Variants in IRGM observed in about 807,000 individuals in gnomAD.
IRGM encodes the protein immunity-related GTPase family M protein.
For missense variants in IRGM, 288 were observed against 219.9 expected, an observed-to-expected ratio of 1.31 and a Z score of -1.96; for synonymous variants, 98 against 80.6, an observed-to-expected ratio of 1.22 and a Z score of -1.16.
intron 1 of IRGM, among the ~76,000 whole-genome samples, chr5:150,863,857 G>C (rs1754169648): frequency 6.6e-6 from 1 of 152,086 alleles, no homozygotes; most frequent in African/African-American, 2.4e-5. Context: ...GCACTGCTTT[G>C]GGGAAGCTAG....
At chr5:150,877,426 C>T (rs967218047) in intron 1 of IRGM, among the ~76,000 whole-genome samples, 6 of 152,116 alleles carry the variant, frequency 3.9e-5, no homozygotes, top group Non-Finnish European at 7.4e-5. Context: ...TTCCTGCCAT[C>T]GAATATCAGA....
chr5:150,849,008 T>G (rs1292820474), downstream of IRGM, among the ~76,000 whole-genome samples: 1 of 150,930 alleles, frequency 6.6e-6, no homozygotes, highest in Non-Finnish European at 1.5e-5. Flanking sequence ...GTGGACAGGG[T>G]GCAGGGAGAC....
At chr5:150,864,325 AAATT>A (rs1463659152) in intron 1 of IRGM, among the ~76,000 whole-genome samples, 5 of 152,012 alleles carry the variant, frequency 3.3e-5, no homozygotes, top group Non-Finnish European at 5.9e-5. Context: ...TTCCTTATTA[AAATT>A]AATTTTTCCC....
chr5:150,881,537 T>TA (rs531888370), intron 3 of IRGM, among the ~76,000 whole-genome samples: 2 of 152,046 alleles, frequency 1.3e-5, no homozygotes, highest in African/African-American at 4.8e-5. Context: ...TATGAAAGTA[T>TA]AAAAAAACTG....
intron 1 of IRGM, among the ~76,000 whole-genome samples, chr5:150,866,249 A>C (rs1237845418): frequency 1.3e-5 from 2 of 152,168 alleles, no homozygotes; most frequent in African/African-American, 4.8e-5. Context: ...TTTTGGCTGT[A>C]CTGACATGAG....
intron 3 of IRGM, chr5:150,896,430 A>G: frequency 6.2e-7 from 1 of 1,613,726 alleles, no homozygotes; most frequent in Non-Finnish European, 8.5e-7. Context: ...TGTAACACAT[A>G]CACAGCTTTT....
At chr5:150,849,879 A>G (rs1753948221), downstream of IRGM, among the ~76,000 whole-genome samples, 1 of 152,188 alleles carries the variant, frequency 6.6e-6, no homozygotes, top group African/African-American at 2.4e-5. Flanking sequence ...TGCTGGGATT[A>G]CAGGCATGAG....
intron 3 of IRGM, chr5:150,898,242 G>A: frequency 1.2e-6 from 2 of 1,605,780 alleles, no homozygotes; most frequent in African/African-American, 2.7e-5. Context: ...AAAAGAGAAG[G>A]TGCAGTTTCA....
At position 150,895,451 on chromosome 5, in the gene IRGM, C is replaced by T. The variant is rs139710646; in HGVS notation, c.*141-5138C>T. 4.4e-6 allele frequency: 7 copies of T among 1,608,952 alleles called. No individual in the cohort carries two copies. In the Admixed American group the frequency reaches 8.4e-5, roughly 19 times the overall value. On this transcript the variant is annotated intron_variant and NMD_transcript_variant, in intron 3 of 3. Transcript: ENST00000520549. ...ATGATTTTACCACTGTGTGAATTCT[C>T]TGGTGTACAGTTAGTTGTGACTTCT...
chr5:150,861,912 T>C (rs1754142428), intron 1 of IRGM, among the ~76,000 whole-genome samples: 2 of 152,258 alleles, frequency 1.3e-5, no homozygotes, highest in South Asian at 4.1e-4. Flanking sequence ...TATTGCTGCA[T>C]AAAACTACCA....
chr5:150,888,570 C>T (rs1310204276), intron 3 of IRGM, among the ~76,000 whole-genome samples: 1 of 152,010 alleles, frequency 6.6e-6, no homozygotes, highest in East Asian at 1.9e-4. Flanking sequence ...TAAAACAATC[C>T]TTGGCAAATG....
rs906438074 is a variant in IRGM at position 150,861,281 on chromosome 5, C to T, written c.158+12627C>T. ...TCCCTCATGTAGCCTCTCCAAGTGG[C>T]TCTCTCAGAGTTCCTTCAAAGTATC... On this transcript the variant is annotated intron_variant and NMD_transcript_variant, in intron 1 of 3. Transcript: ENST00000520549. Among the ~76,000 whole-genome samples, 7 of 152,018 alleles carry T rather than the reference C, an allele frequency of 4.6e-5. No homozygotes were observed. The South Asian group carries it at 6.2e-4, about 13-fold the overall frequency.
intron 1 of IRGM, among the ~76,000 whole-genome samples, chr5:150,875,485 G>A (rs1025853411): frequency 2.0e-5 from 3 of 152,176 alleles, no homozygotes; most frequent in Non-Finnish European, 4.4e-5. Flanking sequence ...GTATGTGGAT[G>A]GACCTCTCTG....
chr5:150,879,525 G>T (rs1754414216), intron 2 of IRGM: 1 of 152,172 alleles, frequency 6.6e-6, no homozygotes, highest in African/African-American at 2.4e-5. Context: ...GCACTGTGCT[G>T]GCTAGGCACT....
At chr5:150,885,688 G>T (rs1430792257) in intron 3 of IRGM, among the ~76,000 whole-genome samples, 1 of 152,052 alleles carries the variant, frequency 6.6e-6, no homozygotes, top group Non-Finnish European at 1.5e-5. Flanking sequence ...TTGTGAAAGG[G>T]ATTGCCTTCC....
rs754022980 is a variant in IRGM at position 150,895,664 on chromosome 5, T to G, written c.*141-4925T>G. 6.8e-6 allele frequency: 11 copies of G among 1,613,404 alleles called. No homozygotes were observed. Among genetic ancestry groups the G allele is most frequent in the Non-Finnish European group, 9.3e-6 (11 of 1,179,686 alleles). On this transcript the variant is annotated intron_variant and NMD_transcript_variant, in intron 3 of 3. Coordinates refer to the IRGM transcript ENST00000520549. Reference sequence around the variant, plus strand: ...ACTTCTGAGAGAAGGCTTTCCCACATTCAGTACATATATAAGGTTTTTCTC... The same window carrying G: ...ACTTCTGAGAGAAGGCTTTCCCACAGTCAGTACATATATAAGGTTTTTCTC...
chr5:150,852,132 G>T (rs1437614616), downstream of IRGM, among the ~76,000 whole-genome samples: 1 of 152,076 alleles, frequency 6.6e-6, no homozygotes, highest in Non-Finnish European at 1.5e-5. Context: ...GTAAAATTTG[G>T]TATTAAGTAA....
intron 1 of IRGM, among the ~76,000 whole-genome samples, chr5:150,862,946 A>T (rs1200796554): frequency 2.6e-5 from 4 of 152,238 alleles, no homozygotes; most frequent in Non-Finnish European, 4.4e-5. Context: ...AGGCTAAAAA[A>T]AAGACCTTAG....
At chr5:150,900,677 G>A (rs1000985387) in exon 4 of IRGM, 3 of 151,910 alleles carry the variant, frequency 2.0e-5, no homozygotes, top group Non-Finnish European at 4.4e-5. Flanking sequence ...CTTAAGAAAC[G>A]TTTGTTAAAT....
Sources: allele counts gnomAD v4.1 joint callset (sites outside exome capture counted in the v4.1 genomes callset), GRCh38; gene constraint gnomAD v4.1.1; transcripts MANE v1.5; gene names NCBI Gene and HGNC (gene_info 2026-07-23, HGNC 2026-07-21).